The following DACH1 variants were observed in gnomAD, a reference collection of about 807,000 sequenced individuals.
DACH1 encodes the protein dachshund homolog 1.
Under a neutral mutation model 54.2 loss-of-function variants are expected in DACH1, and 12 were observed. That is an observed-to-expected ratio of 0.22 (90% CI 0.14 to 0.36). The LOEUF is 0.36. Ranked by LOEUF, DACH1 falls within the 10% of genes least tolerant of loss-of-function variation. DACH1 has a pLI of 1.00. For synonymous variants in DACH1, 386 were observed against 366.2 expected, an observed-to-expected ratio of 1.05 and a Z score of -0.62; for missense variants, 805 against 929.8, an observed-to-expected ratio of 0.87 and a Z score of 1.75.
chr13:71,505,889 A>ACTT (rs1469295459), intron 6 of DACH1, among the ~76,000 whole-genome samples: 11 of 152,244 alleles, frequency 7.2e-5, no homozygotes, highest in African/African-American at 2.4e-4. Context: ...TCCATAAATG[A>ACTT]CTTAATATTG....
intron 6 of DACH1, among the ~76,000 whole-genome samples, chr13:71,521,987 G>C (rs1326765628): frequency 6.6e-6 from 1 of 152,058 alleles, no homozygotes; most frequent in Non-Finnish European, 1.5e-5. Flanking sequence ...TAGCACAATG[G>C]AATTTGTCAT....
In DACH1 at chr13:71,467,477, A is replaced by G. The variant is rs2138153694; in HGVS notation, c.2083+7664T>C. Reference sequence around the variant, plus strand: ...ACTAACCTGCACATTGTGCACATGTACCCTAAAATTTAAAGTATAATAATA... The same window carrying G: ...ACTAACCTGCACATTGTGCACATGTGCCCTAAAATTTAAAGTATAATAATA... On this transcript the variant is annotated intron_variant, in intron 10 of 10. Transcript: ENST00000613252. Among the ~76,000 whole-genome samples, 2 of 151,436 alleles carry G rather than the reference A, an allele frequency of 1.3e-5. 1 individual carries two copies. The highest frequency in any genetic ancestry group is 4.2e-4 in the South Asian group (2 of 4,812).
At position 71,456,419 on chromosome 13, in the gene DACH1, G is replaced by A. The variant is rs138176826; in HGVS notation, c.2084-15727C>T. Among the ~76,000 whole-genome samples, 678 of 152,078 alleles carry A rather than the reference G, an allele frequency of 4.5e-3. 4 individuals are homozygous for A. The highest frequency in any genetic ancestry group is 7.6e-3 in the Non-Finnish European group (517 of 67,936). On this transcript the variant is annotated intron_variant, in intron 10 of 10. Transcript: ENST00000613252. The stretch of plus-strand genomic sequence containing the variant: ...ATTGCCTTATTTTCCCATCACTAGT[G>A]ATTGTGACATGAATAAAATTAACTT...
At chr13:71,679,978 G>C (rs1880802852) in intron 2 of DACH1, among the ~76,000 whole-genome samples, 1 of 146,534 alleles carries the variant, frequency 6.8e-6, no homozygotes, top group South Asian at 2.1e-4. Flanking sequence ...GAGAAGTTAA[G>C]ATTTTCATAT....
At chr13:71,722,466 A>G (rs1266595066) in intron 1 of DACH1, among the ~76,000 whole-genome samples, 1 of 152,188 alleles carries the variant, frequency 6.6e-6, no homozygotes, top group Non-Finnish European at 1.5e-5. Flanking sequence ...GTGGTTGGTT[A>G]CTTAATAGCT....
At chr13:71,626,964 T>A (rs1876689715) in intron 3 of DACH1, among the ~76,000 whole-genome samples, 1 of 151,856 alleles carries the variant, frequency 6.6e-6, no homozygotes, top group African/African-American at 2.4e-5. Context: ...ACTAAAAGAA[T>A]CCAATTGATT....
intron 2 of DACH1, among the ~76,000 whole-genome samples, chr13:71,677,269 C>T (rs529145076): frequency 6.6e-6 from 1 of 152,150 alleles, no homozygotes; most frequent in Non-Finnish European, 1.5e-5. Context: ...ATGACAAGTG[C>T]TCAGTCAAAA....
At chr13:71,831,824 G>C (rs569888088) in intron 1 of DACH1, among the ~76,000 whole-genome samples, 4 of 151,536 alleles carry the variant, frequency 2.6e-5, no homozygotes, top group Non-Finnish European at 4.4e-5. Flanking sequence ...CTGTAATCAA[G>C]AATTTTTTTT....
At chr13:71,824,355 A>T (rs1395439279) in intron 1 of DACH1, among the ~76,000 whole-genome samples, 6 of 152,000 alleles carry the variant, frequency 3.9e-5, no homozygotes, top group Non-Finnish European at 7.4e-5. Flanking sequence ...AAACAAGTTG[A>T]CAGACTGAAA....
At chr13:71,639,025 A>G (rs2138591288) in intron 2 of DACH1, among the ~76,000 whole-genome samples, 1 of 152,254 alleles carries the variant, frequency 6.6e-6, no homozygotes, top group African/African-American at 2.4e-5. Flanking sequence ...GTGCATTGTA[A>G]GCTCCACATG....
rs1412634338 is a variant in DACH1, at chr13:71,651,674, CTGTATCTGTATATGTATATGTATA to C, written c.965-20981_965-20958del. ...CATGTATATGTATCTGTATCTGTATCTGTATCTGTATATGTATATGTATATGTATATGTATATGTATATGTATAT... is the reference window on the plus strand; with the variant it reads ...CATGTATATGTATCTGTATCTGTATCTGTATATGTATATGTATATGTATAT... On this transcript the variant is annotated intron_variant, in intron 2 of 10. Transcript: ENST00000613252. Among the ~76,000 whole-genome samples, 31 of 135,992 alleles carry C rather than the reference CTGTATCTGTATATGTATATGTATA, an allele frequency of 2.3e-4. No individual in the cohort carries two copies. In the East Asian group the frequency reaches 2.3e-3, roughly 10 times the overall value. 89.2% of individuals were successfully genotyped at this position (135,992 alleles called of 152,430 possible).
At chr13:71,781,671 C>G (rs1222858784) in intron 1 of DACH1, among the ~76,000 whole-genome samples, 1 of 152,158 alleles carries the variant, frequency 6.6e-6, no homozygotes, top group Non-Finnish European at 1.5e-5. Flanking sequence ...AGCCACCATG[C>G]CTGGCCAAGG....
At chr13:71,606,729 C>T (rs968401339) in intron 3 of DACH1, among the ~76,000 whole-genome samples, 1 of 151,968 alleles carries the variant, frequency 6.6e-6, no homozygotes, top group Non-Finnish European at 1.5e-5. Flanking sequence ...GTGAGACACC[C>T]TAAATGTTAG....
At chr13:71,485,527 G>A (rs1878413507) in intron 7 of DACH1, among the ~76,000 whole-genome samples, 1 of 141,988 alleles carries the variant, frequency 7.0e-6, no homozygotes, top group South Asian at 2.2e-4. Context: ...TTTTTTTACA[G>A]GTCTTTTTTT....
chr13:71,672,542 T>G (rs1303011673), intron 2 of DACH1, among the ~76,000 whole-genome samples: 1 of 151,972 alleles, frequency 6.6e-6, no homozygotes, highest in Non-Finnish European at 1.5e-5. Context: ...CAGCACATCA[T>G]TAAGGGAAGG....
chr13:71,456,140 C>T (rs1875545427), intron 10 of DACH1, among the ~76,000 whole-genome samples: 1 of 151,984 alleles, frequency 6.6e-6, no homozygotes, highest in Non-Finnish European at 1.5e-5. Flanking sequence ...TTTGAAAGTT[C>T]CGGTTTGTTC....
At chr13:71,807,873 T>G (rs1189698162) in intron 1 of DACH1, among the ~76,000 whole-genome samples, 1 of 152,034 alleles carries the variant, frequency 6.6e-6, no homozygotes, top group Non-Finnish European at 1.5e-5. Flanking sequence ...CTGGGTAAAT[T>G]TAGTCTAAAA....
chr13:71,654,443 A>ATAAAATAAAATAAAG (rs1878929094), intron 2 of DACH1, among the ~76,000 whole-genome samples: 4 of 131,738 alleles, frequency 3.0e-5, no homozygotes, highest in African/African-American at 5.8e-5. Flanking sequence ...ATAAAATAAA[A>ATAAAATAAAATAAAG]TAAAATAAAA....
chr13:71,656,517 A>G (rs1205433435), intron 2 of DACH1, among the ~76,000 whole-genome samples: 1 of 151,964 alleles, frequency 6.6e-6, no homozygotes, highest in Admixed American at 6.6e-5. Context: ...TGTTTGATTT[A>G]TCTTACCCAA....
Sources: gnomAD v4.1 joint callset for allele counts (sites outside exome capture counted in the v4.1 genomes callset) on GRCh38, gnomAD v4.1.1 for gene constraint, MANE v1.5 for transcripts, NCBI Gene and HGNC (gene_info 2026-07-23, HGNC 2026-07-21) for gene names.